Variants in PIP5K1B observed in about 807,000 individuals in gnomAD.
PIP5K1B encodes the protein phosphatidylinositol 4-phosphate 5-kinase type-1 beta.
PIP5K1B carries 42 observed loss-of-function variants against 67.0 expected under a neutral mutation model. That is an observed-to-expected ratio of 0.63 (90% CI 0.49 to 0.81). The LOEUF (loss-of-function observed/expected upper bound fraction) is 0.81. PIP5K1B is among the 30% of genes least tolerant of loss of function. The probability of loss-of-function intolerance (pLI) is 0.00; values close to 1 mark genes in which losing one functional copy is unlikely to be tolerated. For missense variants in PIP5K1B, 459 were observed against 646.3 expected (o/e 0.71, Z 3.14); for synonymous variants, 214 against 231.4 (o/e 0.92, Z 0.68).
intron 2 of PIP5K1B, among the ~76,000 whole-genome samples, chr9:68,803,907 G>A (rs1464891994): frequency 2.6e-5 from 4 of 152,212 alleles, no homozygotes; most frequent in Non-Finnish European, 4.4e-5. Flanking sequence ...AGAGCCTGCT[G>A]TGTGCAAGGT....
At chr9:68,820,586 A>T (rs2132064036) in intron 3 of PIP5K1B, among the ~76,000 whole-genome samples, 1 of 152,306 alleles carries the variant, frequency 6.6e-6, no homozygotes, top group East Asian at 1.9e-4. Flanking sequence ...GAAATGGTTG[A>T]TGAATCCCTA....
chr9:68,873,890 CT>C (rs1193520612), intron 5 of PIP5K1B, among the ~76,000 whole-genome samples: 1 of 152,144 alleles, frequency 6.6e-6, no homozygotes, highest in South Asian at 2.1e-4. Context: ...TCCAGTAGGA[CT>C]TAAGAGAGTA....
chr9:68,778,325 T>C (rs1294800559), intron 2 of PIP5K1B, among the ~76,000 whole-genome samples: 1 of 152,042 alleles, frequency 6.6e-6, no homozygotes, highest in Non-Finnish European at 1.5e-5. Context: ...TAGCAGGGAG[T>C]AGGCACTTAG....
intron 4 of PIP5K1B, among the ~76,000 whole-genome samples, chr9:68,861,903 T>TG (rs565276161): frequency 1.4e-5 from 1 of 69,046 alleles, no homozygotes; most frequent in African/African-American, 5.3e-5. Context: ...TTGTTTTTTG[T>TG]TTTTTTTTTT....
intron 11 of PIP5K1B, among the ~76,000 whole-genome samples, chr9:68,922,393 G>A (rs2132538766): frequency 6.6e-6 from 1 of 150,918 alleles, no homozygotes; most frequent in Non-Finnish European, 1.5e-5. Flanking sequence ...AATCCGGGAG[G>A]CGGAGGTTGC....
intron 2 of PIP5K1B, chr9:68,783,781 C>T (rs1183267406): frequency 1.2e-5 from 2 of 167,020 alleles, no homozygotes; most frequent in African/African-American, 4.8e-5. Context: ...CACTTGTGCT[C>T]CTCACACTCA....
intron 15 of PIP5K1B, among the ~76,000 whole-genome samples, chr9:69,007,447 C>T (rs1291806286): frequency 6.6e-6 from 1 of 152,028 alleles, no homozygotes; most frequent in Non-Finnish European, 1.5e-5. Flanking sequence ...TTCATTTTCC[C>T]CATGGAAAAA....
At chr9:68,953,068 C>G (rs910102105) in intron 14 of PIP5K1B, among the ~76,000 whole-genome samples, 4 of 152,032 alleles carry the variant, frequency 2.6e-5, no homozygotes, top group African/African-American at 9.7e-5. Flanking sequence ...TTCCTCCTCT[C>G]TATTTTCTTT....
At position 68,753,811 on chromosome 9, in the gene PIP5K1B, A is replaced by G. The variant is rs148471048; in HGVS notation, c.-86+11154A>G. ...AGTGCTGGGATTACAGGCGTGAGCC[A>G]CCGCACACAGCCTAATTTTTGTATT... On this transcript the variant is annotated intron_variant, in intron 2 of 15. Transcript: ENST00000265382. Among the ~76,000 whole-genome samples the G allele has an allele frequency of 4.2e-3, 646 of 152,106 alleles. 9 individuals are homozygous for G. The highest frequency in any genetic ancestry group is 0.01 in the South Asian group (50 of 4,816).
intron 5 of PIP5K1B, among the ~76,000 whole-genome samples, chr9:68,873,259 T>A (rs1823714427): frequency 1.3e-5 from 2 of 151,792 alleles, no homozygotes; most frequent in African/African-American, 4.8e-5. Context: ...CGTCAGCTAT[T>A]TTTTTAAGTT....
rs556632962 is a variant in PIP5K1B, at chr9:68,960,118, T to A, written c.1502+19328T>A. ...TTAATTTTTTGAGATCTTGCAAGTC[T>A]GAAAATGTCTTTATGCTAACGTCAC... is the stretch of plus-strand genomic sequence containing the variant. On this transcript the variant is annotated intron_variant, in intron 14 of 15. Transcript: ENST00000265382. Among the ~76,000 whole-genome samples, 15 of 152,354 alleles carry A rather than the reference T, an allele frequency of 9.8e-5. No homozygotes were observed. The South Asian group carries it at 3.1e-3, about 32-fold the overall frequency.
intron 1 of PIP5K1B, among the ~76,000 whole-genome samples, chr9:68,721,425 A>G (rs1827877019): frequency 6.6e-6 from 1 of 152,160 alleles, no homozygotes; most frequent in African/African-American, 2.4e-5. Flanking sequence ...GAATGGTAGT[A>G]GTAGATGATT....
intron 4 of PIP5K1B, among the ~76,000 whole-genome samples, chr9:68,862,785 C>A (rs1823157976): frequency 1.4e-5 from 2 of 147,654 alleles, no homozygotes; most frequent in Admixed American, 6.9e-5. Flanking sequence ...GAGTAAGATG[C>A]TGTCTCAAAA....
intron 1 of PIP5K1B, among the ~76,000 whole-genome samples, chr9:68,733,814 AT>A (rs1362672839): frequency 7.3e-5 from 11 of 151,578 alleles, no homozygotes; most frequent in African/African-American, 2.7e-4. Context: ...TAATTTTTGT[AT>A]TTTTAGTTGA....
chr9:68,830,814 G>A (rs1449588443), intron 4 of PIP5K1B, among the ~76,000 whole-genome samples: 1 of 152,158 alleles, frequency 6.6e-6, no homozygotes, highest in Non-Finnish European at 1.5e-5. Context: ...GCACAACGAT[G>A]CTTTTGTTTT....
chr9:68,911,285 A>G (rs1172868099), intron 8 of PIP5K1B, among the ~76,000 whole-genome samples: 1 of 151,942 alleles, frequency 6.6e-6, no homozygotes. Flanking sequence ...AGGCAGGAAC[A>G]TTGCTTGAAC....
At chr9:68,844,742 A>G (rs1179934411) in intron 4 of PIP5K1B, among the ~76,000 whole-genome samples, 3 of 152,194 alleles carry the variant, frequency 2.0e-5, no homozygotes, top group Non-Finnish European at 1.5e-5. Context: ...CTAAACAGAA[A>G]TAAGCAGCAG....
intron 2 of PIP5K1B, among the ~76,000 whole-genome samples, chr9:68,764,074 C>CTTTTTTTTTTTTTTTTTTTT (rs72304177): frequency 1.4e-4 from 10 of 73,516 alleles, no homozygotes; most frequent in African/African-American, 5.4e-4. Context: ...ACTATAACTT[C>CTTTTTTTTTTTTTTTTTTTT]TTTTTTTTTT....
chr9:68,948,462 T>G (rs912067080), intron 14 of PIP5K1B, among the ~76,000 whole-genome samples: 3 of 151,968 alleles, frequency 2.0e-5, no homozygotes, highest in African/African-American at 7.3e-5. Context: ...AAGACCTCAT[T>G]TCTACAACAA....
Sources: allele counts gnomAD v4.1 joint callset (sites outside exome capture counted in the v4.1 genomes callset), GRCh38; gene constraint gnomAD v4.1.1; transcripts MANE v1.5; gene names NCBI Gene and HGNC (gene_info 2026-07-23, HGNC 2026-07-21).